ADGRB3: variants seen among roughly 807,000 people sequenced by gnomAD.
ADGRB3 encodes brain-specific angiogenesis inhibitor 3.
In ADGRB3, 37 loss-of-function variants were observed where a neutral mutation model predicts 193.4. The ratio of observed to expected loss-of-function variants is 0.19; its 90% confidence interval spans 0.15 to 0.25. The LOEUF is 0.25. ADGRB3 is among the 10% of genes least tolerant of loss of function. The pLI is 1.00. For missense variants in ADGRB3, 1,637 were observed against 1,852.9 expected (o/e 0.88, Z 2.14); for synonymous variants, 690 against 644.2 (o/e 1.07, Z -1.08).
intron 3 of ADGRB3, among the ~76,000 whole-genome samples, chr6:68,850,506 G>C (rs1768375734): frequency 6.6e-6 from 1 of 151,892 alleles, no homozygotes; most frequent in Non-Finnish European, 1.5e-5. Flanking sequence ...GGAGGGTTGT[G>C]GGGATCTGAA....
intron 13 of ADGRB3, among the ~76,000 whole-genome samples, chr6:69,025,778 T>C (rs1182049790): frequency 2.6e-5 from 4 of 152,244 alleles, no homozygotes; most frequent in Non-Finnish European, 5.9e-5. Context: ...AACTTTGATA[T>C]GCAGCTGTAG....
At chr6:69,206,331 A>G (rs2150359643) in intron 17 of ADGRB3, among the ~76,000 whole-genome samples, 1 of 151,990 alleles carries the variant, frequency 6.6e-6, no homozygotes, top group Non-Finnish European at 1.5e-5. Flanking sequence ...CCAGATTAAG[A>G]GTGGGCCTCC....
At chr6:69,314,580 T>C (rs1768272418) in intron 20 of ADGRB3, among the ~76,000 whole-genome samples, 1 of 151,642 alleles carries the variant, frequency 6.6e-6, no homozygotes, top group Non-Finnish European at 1.5e-5. Context: ...TGTAAGCAAG[T>C]ACTGTAACTT....
intron 3 of ADGRB3, among the ~76,000 whole-genome samples, chr6:68,832,282 C>A (rs1486733005): frequency 6.6e-6 from 1 of 151,988 alleles, no homozygotes; most frequent in Non-Finnish European, 1.5e-5. Flanking sequence ...CTTCTATAAA[C>A]CTGAGAAAGG....
chr6:68,886,594 T>G (rs1291027663), intron 3 of ADGRB3, among the ~76,000 whole-genome samples: 1 of 152,080 alleles, frequency 6.6e-6, no homozygotes, highest in Non-Finnish European at 1.5e-5. Flanking sequence ...TGTTTACTTT[T>G]TAGGCAATGT....
chr6:68,971,523 G>A (rs1283971272), intron 8 of ADGRB3, among the ~76,000 whole-genome samples: 5 of 152,200 alleles, frequency 3.3e-5, no homozygotes, highest in Non-Finnish European at 7.3e-5. Context: ...AACCTGTGTT[G>A]TTCAAGGATT....
At chr6:68,871,163 T>C (rs1055596412) in intron 3 of ADGRB3, among the ~76,000 whole-genome samples, 1 of 152,238 alleles carries the variant, frequency 6.6e-6, no homozygotes, top group Non-Finnish European at 1.5e-5. Flanking sequence ...GTTTTATTCT[T>C]ATGAACAACT....
intron 3 of ADGRB3, among the ~76,000 whole-genome samples, chr6:68,817,865 C>A (rs1304580277): frequency 6.6e-6 from 1 of 152,026 alleles, no homozygotes; most frequent in Non-Finnish European, 1.5e-5. Context: ...CACCATTTTT[C>A]TTGCCAGCTT....
intron 21 of ADGRB3, among the ~76,000 whole-genome samples, chr6:69,327,222 G>A (rs773542458): frequency 3.3e-5 from 5 of 152,156 alleles, no homozygotes; most frequent in Admixed American, 3.3e-4. Flanking sequence ...CTTGAATGAG[G>A]TAAGTGTAAT....
intron 3 of ADGRB3, among the ~76,000 whole-genome samples, chr6:68,820,388 T>A (rs1219569528): frequency 6.6e-6 from 1 of 151,994 alleles, no homozygotes; most frequent in Non-Finnish European, 1.5e-5. Context: ...TATATGTATT[T>A]ATGGGGAATA....
Position 69,063,002 on chromosome 6 carries a change from C to T in ADGRB3, c.2402C>T (p.Ser801Leu), listed in dbSNP as rs747907463. The T allele has an allele frequency of 1.2e-5, 19 of 1,612,058 alleles. No homozygotes were observed. The highest frequency in any genetic ancestry group is 1.7e-5 in the Admixed American group (1 of 59,778). ...AGGCCTGAACCCAAAACAACCGATT[C>T]GTTTCTGGAGATAGAACTAGCTCAT... ...TIRPEPKTTD[S>L]FLEIELAHLA... Residue 801 changes from serine (S) to leucine (L), a missense_variant, in exon 16 of 32, where the codon TCG becomes TTG. Physicochemically the swap from Ser to Leu is moderately radical, Grantham distance 145 (BLOSUM62 -2). This residue lies in a region of ADGRB3 where 641 missense variants were observed against 673.9 expected (regional missense o/e 0.95). Coordinates refer to ENST00000370598, the MANE Select transcript of ADGRB3 (RefSeq NM_001704.3).
At chr6:69,070,696 T>A (rs1184571551) in intron 16 of ADGRB3, among the ~76,000 whole-genome samples, 1 of 152,168 alleles carries the variant, frequency 6.6e-6, no homozygotes. Context: ...ACCTTAACAT[T>A]CCTATAGCCA....
At chr6:68,897,759 A>ATAGGGGAGGGAGGG (rs1237490895) in intron 3 of ADGRB3, among the ~76,000 whole-genome samples, 1 of 8,602 alleles carries the variant, frequency 1.2e-4, no homozygotes, top group African/African-American at 4.5e-4. Context: ...GGGAGGGAGG[A>ATAGGGGAGGGAGGG]AAAGGGAGGG....
At chr6:69,206,154 C>T (rs918244032) in intron 17 of ADGRB3, among the ~76,000 whole-genome samples, 8 of 147,622 alleles carry the variant, frequency 5.4e-5, no homozygotes, top group Non-Finnish European at 1.0e-4. Flanking sequence ...GCAAGGACAG[C>T]CACTTTGAGT....
intron 17 of ADGRB3, among the ~76,000 whole-genome samples, chr6:69,170,877 G>C (rs7759194): frequency 1.8e-3 from 274 of 152,230 alleles, no homozygotes; most frequent in African/African-American, 6.2e-3. Flanking sequence ...ACTCAAGGTA[G>C]AGAGTTCATG....
intron 20 of ADGRB3, among the ~76,000 whole-genome samples, chr6:69,308,033 A>G (rs1409237109): frequency 6.6e-6 from 1 of 151,552 alleles, no homozygotes; most frequent in Admixed American, 6.6e-5. Flanking sequence ...GAATTTTGTT[A>G]GTAAGAAGTT....
At chr6:69,156,366 T>G (rs1774840497) in intron 17 of ADGRB3, among the ~76,000 whole-genome samples, 1 of 152,184 alleles carries the variant, frequency 6.6e-6, no homozygotes, top group Non-Finnish European at 1.5e-5. Context: ...ATATTTTAGC[T>G]GATATCTGAA....
intron 16 of ADGRB3, among the ~76,000 whole-genome samples, chr6:69,067,343 G>A (rs1337812507): frequency 6.6e-6 from 1 of 152,104 alleles, no homozygotes; most frequent in Non-Finnish European, 1.5e-5. Context: ...AACAAATTAA[G>A]AAATTTGTTT....
chr6:69,286,195 G>T (rs985379280), intron 20 of ADGRB3, among the ~76,000 whole-genome samples: 15 of 151,422 alleles, frequency 9.9e-5, no homozygotes, highest in Non-Finnish European at 1.5e-4. Flanking sequence ...TTTTTTTCCT[G>T]GTTCCAGGCA....
Sources: gnomAD v4.1 joint callset for allele counts (sites outside exome capture counted in the v4.1 genomes callset) on GRCh38, gnomAD v4.1.1 for gene constraint, gnomAD v4.1.1 regional missense constraint, MANE v1.5 for transcripts, NCBI Gene and HGNC (gene_info 2026-07-23, HGNC 2026-07-21) for gene names.